The following SLC43A2 variants were observed in gnomAD, a reference collection of about 807,000 sequenced individuals.
SLC43A2 encodes the protein large neutral amino acids transporter small subunit 4.
A neutral mutation model predicts 63.2 loss-of-function variants in SLC43A2; 38 were observed. That is an observed-to-expected ratio of 0.60 (90% CI 0.46 to 0.79). The LOEUF (loss-of-function observed/expected upper bound fraction) is 0.79. SLC43A2 is among the 30% of genes least tolerant of loss of function. The pLI is 0.00. For missense variants in SLC43A2, 644 were observed against 756.2 expected (o/e 0.85, Z 1.74); for synonymous variants, 322 against 331.0 (o/e 0.97, Z 0.30).
At chr17:1,614,756 T>C (rs1907437631) in intron 4 of SLC43A2, among the ~76,000 whole-genome samples, 1 of 152,122 alleles carries the variant, frequency 6.6e-6, no homozygotes, top group South Asian at 2.1e-4. Context: ...GGTGATGAGA[T>C]GGAAGTTGCT....
intron 2 of SLC43A2, among the ~76,000 whole-genome samples, chr17:1,617,741 G>A (rs895504572): frequency 3.3e-5 from 5 of 152,084 alleles, no homozygotes; most frequent in East Asian, 1.9e-4. Flanking sequence ...GTGCCATCCC[G>A]TGGCCATGCC....
chr17:1,590,456 G>A (rs1339808484), intron 9 of SLC43A2, among the ~76,000 whole-genome samples: 1 of 152,112 alleles, frequency 6.6e-6, no homozygotes, highest in African/African-American at 2.4e-5. Flanking sequence ...GGCTTGACCT[G>A]CTGTCTTTCA....
intron 6 of SLC43A2, among the ~76,000 whole-genome samples, chr17:1,592,763 G>C (rs1194085773): frequency 6.6e-6 from 1 of 152,194 alleles, no homozygotes; most frequent in African/African-American, 2.4e-5. Context: ...TCAAAATCCT[G>C]CCTAGGAGGG....
rs147778607 is a variant in SLC43A2, at chr17:1,627,411, C to A, written c.160+304G>T. 1.5e-3 allele frequency among the ~76,000 whole-genome samples: 236 copies of A among 152,306 alleles called. 1 individual carries two copies. The highest frequency in any genetic ancestry group is 5.4e-3 in the African/African-American group (225 of 41,572). On this transcript the variant is annotated intron_variant, in intron 2 of 13. Transcript: ENST00000301335. ...AGGGCTGGGAGGAGAGGAGAGCAGT[C>A]CAGCACTGTTCGTAGCGGGTGGAAG...
chr17:1,594,811 A>C (rs1417850295), intron 5 of SLC43A2, among the ~76,000 whole-genome samples: 1 of 151,474 alleles, frequency 6.6e-6, no homozygotes. Flanking sequence ...GATGGTCTGG[A>C]TCTCCTGACC....
intron 10 of SLC43A2, among the ~76,000 whole-genome samples, chr17:1,584,120 T>C (rs1270781903): frequency 7.9e-5 from 12 of 152,146 alleles, no homozygotes; most frequent in Admixed American, 2.0e-4. Context: ...GTCTCGATCT[T>C]CTGACCTTGT....
At chr17:1,629,644 G>T (rs1421112631), upstream of SLC43A2, among the ~76,000 whole-genome samples, 1 of 152,202 alleles carries the variant, frequency 6.6e-6, no homozygotes, top group Non-Finnish European at 1.5e-5. Flanking sequence ...GGTCCTCCGG[G>T]GACCCTCCAC....
At chr17:1,598,020 T>C (rs974247893) in intron 5 of SLC43A2, among the ~76,000 whole-genome samples, 3 of 152,156 alleles carry the variant, frequency 2.0e-5, no homozygotes, top group Non-Finnish European at 4.4e-5. Flanking sequence ...AGCAAAGGCA[T>C]CTCCGTGGCC....
intron 6 of SLC43A2, 40 bp from the exon 7 acceptor site, chr17:1,591,739 G>GGGGGGGCGGGGC: frequency 2.0e-6 from 1 of 512,304 alleles, no homozygotes. Flanking sequence ...GGGGGAGGGG[G>GGGGGGGCGGGGC]CAGAGTTAGC....
At chr17:1,612,016 G>A (rs1907150673) in intron 5 of SLC43A2, among the ~76,000 whole-genome samples, 1 of 152,146 alleles carries the variant, frequency 6.6e-6, no homozygotes, top group Non-Finnish European at 1.5e-5. Flanking sequence ...CCAGGCTGGA[G>A]TGCAGTGGCT....
At chr17:1,624,097 G>A (rs1416215871) in intron 2 of SLC43A2, among the ~76,000 whole-genome samples, 1 of 152,186 alleles carries the variant, frequency 6.6e-6, no homozygotes, top group Non-Finnish European at 1.5e-5. Context: ...CGGCACCTTC[G>A]TCAATGTTTA....
chr17:1,588,529 GAAA>G (rs754151073), intron 9 of SLC43A2, among the ~76,000 whole-genome samples: 1 of 131,738 alleles, frequency 7.6e-6, no homozygotes, highest in Non-Finnish European at 1.6e-5. Flanking sequence ...TGTCTTTATG[GAAA>G]AAAAAAAAAA....
chr17:1,610,078 A>AT (rs1460978090), intron 5 of SLC43A2, among the ~76,000 whole-genome samples: 2 of 150,934 alleles, frequency 1.3e-5, no homozygotes, highest in East Asian at 3.9e-4. Context: ...CCCGAGTAAT[A>AT]TTTTTGTATT....
chr17:1,586,406 G>A (rs1372055019), intron 9 of SLC43A2, among the ~76,000 whole-genome samples: 3 of 152,050 alleles, frequency 2.0e-5, no homozygotes, highest in Non-Finnish European at 4.4e-5. Context: ...TCTAGAAATA[G>A]CCCAGAACGG....
At chr17:1,590,385 T>A (rs1375014434) in intron 9 of SLC43A2, among the ~76,000 whole-genome samples, 3 of 152,008 alleles carry the variant, frequency 2.0e-5, no homozygotes, top group Non-Finnish European at 4.4e-5. Flanking sequence ...TCCAGCCCCG[T>A]CCTGACCTCG....
chr17:1,578,281 G>A lies in SLC43A2; in HGVS notation c.1393C>T (p.His465Tyr). 2 of 1,614,042 alleles carry A rather than the reference G, an allele frequency of 1.2e-6. No homozygotes were observed. Among genetic ancestry groups the A allele is most frequent in the Non-Finnish European group, 1.7e-6 (2 of 1,180,014 alleles). ...GCGTACAGGCCCCCGACAGCGGAGT[G>A]GATGAATCCTCGCACGATTGTGTGC... ...ILHTIVRGFI[H>Y]SAVGGLYAAV... Residue 465 changes from histidine to tyrosine, a missense_variant, in exon 12 of 14, where the codon CAC becomes TAC. Around this residue, in one of 3 missense-constraint regions of SLC43A2, gnomAD observed 528 missense variants for 623.6 expected, o/e 0.85. Coordinates refer to ENST00000301335, the MANE Select transcript of SLC43A2 (RefSeq NM_152346.3). This position sits in a 1 kb window ranked among gnomAD's most constrained non-coding sequence, Gnocchi z 6.5.
Position 1,609,931 on chromosome 17 carries a change from C to T in SLC43A2, c.501+3264G>A, listed in dbSNP as rs569429309. On this transcript the variant is annotated intron_variant, in intron 5 of 13. Coordinates refer to ENST00000301335, the MANE Select transcript of SLC43A2 (RefSeq NM_152346.3). The stretch of plus-strand genomic sequence containing the variant: ...GCTGATAGAATTTTTTTTTTTTAAA[C>T]GGAGTTTCGCTCTTGTTGCCCAGGC... Among the ~76,000 whole-genome samples, 11 of 150,168 alleles carry T rather than the reference C, an allele frequency of 7.3e-5. No homozygotes were observed. The South Asian group carries it at 2.1e-3, about 29-fold the overall frequency.
At chr17:1,589,569 CAAGA>C (rs753546644) in intron 9 of SLC43A2, among the ~76,000 whole-genome samples, 8 of 152,276 alleles carry the variant, frequency 5.3e-5, no homozygotes, top group South Asian at 2.1e-4. Flanking sequence ...CTCAAAAAAA[CAAGA>C]AAGAAAGAGA....
intron 5 of SLC43A2, among the ~76,000 whole-genome samples, chr17:1,599,052 G>C (rs1423409810): frequency 6.6e-6 from 1 of 152,160 alleles, no homozygotes; most frequent in Non-Finnish European, 1.5e-5. Flanking sequence ...CTTTTCCTTA[G>C]AACGGCAATG....
Sources: allele counts gnomAD v4.1 joint callset (sites outside exome capture counted in the v4.1 genomes callset), GRCh38; gene constraint gnomAD v4.1.1; regional missense constraint gnomAD v4.1.1; non-coding constraint Gnocchi (gnomAD v3.1); transcripts MANE v1.5; gene names NCBI Gene and HGNC (gene_info 2026-07-23, HGNC 2026-07-21).